MYO18A: variants seen among roughly 807,000 people sequenced by gnomAD.
MYO18A encodes myosin XVIIIA, also known as unconventional myosin-XVIIIa.
A neutral mutation model predicts 235.8 loss-of-function variants in MYO18A; 78 were observed. That is an observed-to-expected ratio of 0.33 (90% CI 0.28 to 0.40). The LOEUF (loss-of-function observed/expected upper bound fraction) is 0.40. Ranked by LOEUF, MYO18A falls within the 10% of genes least tolerant of loss-of-function variation. MYO18A has a pLI of 1.00. For synonymous variants in MYO18A, 977 were observed against 1,077.8 expected (o/e 0.91, Z 1.83); for missense variants, 2,215 against 2,699.3 (o/e 0.82, Z 3.98).
chr17:29,172,477 T>A lies in MYO18A; in HGVS notation c.-81-5456A>T, dbSNP rs528460293. On this transcript the variant is annotated intron_variant, in intron 1 of 41. Transcript: ENST00000527372. ...AAGACTCTGTCTAAAAAAAAAAAAATTAAATAAAAATGAAAAAAAATATGA... is the reference window on the plus strand; with the variant it reads ...AAGACTCTGTCTAAAAAAAAAAAAAATAAATAAAAATGAAAAAAAATATGA... Among the ~76,000 whole-genome samples, 19 of 149,216 alleles carry A rather than the reference T, an allele frequency of 1.3e-4. No individual in the cohort carries two copies. In the East Asian group the frequency reaches 3.3e-3, roughly 26 times the overall value.
Position 29,082,388 on chromosome 17 carries a change from AC to A in MYO18A, c.5947del (p.Val1983SerfsTer21). Reference protein sequence around the residue: ...DSELEDRVDGVKSWLSKNKGP... With the variant: ...DSELEDRVDGXKSWLSKNKGP... ...CTTGTTTTTTGACAACCAGGACTTG[AC>A]CCCGTCAACACGGTCCTCCAGCTCC... On this transcript the variant is annotated frameshift_variant, in exon 41 of 42. Transcript: ENST00000527372. LOFTEE classifies it high-confidence loss of function. The A allele has an allele frequency of 6.2e-7, 1 of 1,613,762 alleles. No homozygotes were observed. The highest frequency in any genetic ancestry group is 8.5e-7 in the Non-Finnish European group (1 of 1,179,844).
intron 41 of MYO18A, chr17:29,079,995 CTT>C: frequency 1.0e-6 from 1 of 986,112 alleles, no homozygotes; most frequent in Non-Finnish European, 1.2e-6. Flanking sequence ...TCTTCCGCCT[CTT>C]GTGCTCTGAG....
intron 30 of MYO18A, 28 bp downstream of exon 30, chr17:29,094,622 C>T: frequency 6.2e-7 from 1 of 1,612,950 alleles, no homozygotes; most frequent in South Asian, 1.1e-5. Flanking sequence ...CTGCACCTCA[C>T]CTCTCCCTTG....
At chr17:29,129,149 C>A (rs2067399361) in intron 2 of MYO18A, 2 of 1,285,316 alleles carry the variant, frequency 1.6e-6, no homozygotes, top group South Asian at 2.5e-5. Context: ...GGAGCTCTTC[C>A]TGGCCCCAAG....
chr17:29,097,227 C>A lies in MYO18A; in HGVS notation c.4226G>T (p.Arg1409Leu). The A allele has an allele frequency of 1.2e-6, 2 of 1,609,270 alleles. No homozygotes were observed. The highest frequency in any genetic ancestry group is 1.7e-6 in the Non-Finnish European group (2 of 1,179,810). ...TCAGCTCCTCCCCAGCCTCACCCGC[C>A]GTTCCAGCTGCCTCTTGTTCTGCTG... Reference protein sequence around the residue: ...VEQQNKRQLERRLGDLQADSE... With the variant: ...VEQQNKRQLELRLGDLQADSE... Residue 1409 changes from arginine to leucine, a missense_variant, in exon 27 of 42, where the codon CGG becomes CTG. Transcript: ENST00000527372.
chr17:29,084,060 G>A (rs1269030442), intron 40 of MYO18A, among the ~76,000 whole-genome samples: 1 of 152,148 alleles, frequency 6.6e-6, no homozygotes, highest in Non-Finnish European at 1.5e-5. Context: ...ACTGCGCTGG[G>A]CTCAATAACT....
rs1393752057 is a variant in MYO18A, at chr17:29,158,408, C to T, written c.999+7534G>A. ...TGCTAACACTGTCCCCTGTATTTAA[C>T]AGAACAGAAGCTGCTGCCAAACACC... On this transcript the variant is annotated intron_variant, in intron 2 of 41. Transcript: ENST00000527372. The surrounding 1 kb of genome is among the most constrained non-coding windows in gnomAD (Gnocchi z 4.3). 2.6e-5 allele frequency among the ~76,000 whole-genome samples: 4 copies of T among 152,222 alleles called. No homozygotes were observed. The highest frequency in any genetic ancestry group is 9.6e-5 in the African/African-American group (4 of 41,454).
Position 29,111,592 on chromosome 17 carries a change from G to A in MYO18A, c.2741-9C>T. The A allele has an allele frequency of 6.2e-7, 1 of 1,613,810 alleles. No homozygotes were observed. Among genetic ancestry groups the A allele is most frequent in the African/African-American group, 1.3e-5 (1 of 75,012 alleles). The stretch of plus-strand genomic sequence containing the variant: ...CAGAAGGGGGCTTTGGCCTGATGGT[G>A]GGAGAAGCAAGATTTAGGTCGTCAG... On this transcript the variant is annotated splice_polypyrimidine_tract_variant and intron_variant, in intron 16 of 41. Coordinates refer to ENST00000527372, the MANE Select transcript of MYO18A (RefSeq NM_078471.4). The surrounding 1 kb of genome is among the most constrained non-coding windows in gnomAD (Gnocchi z 5.1).
At chr17:29,077,913 C>T (rs918166101) in intron 41 of MYO18A, 3 of 152,254 alleles carry the variant, frequency 2.0e-5, no homozygotes, top group Non-Finnish European at 1.5e-5. Flanking sequence ...CTTTCCAAAC[C>T]CCTCTCCCAG....
At chr17:29,169,563 C>G (rs1321019924) in intron 1 of MYO18A, among the ~76,000 whole-genome samples, 1 of 152,120 alleles carries the variant, frequency 6.6e-6, no homozygotes, top group Non-Finnish European at 1.5e-5. Context: ...GGGTGTGGCA[C>G]AGACCTACCA....
intron 1 of MYO18A, among the ~76,000 whole-genome samples, chr17:29,179,809 G>C (rs957110712): frequency 6.6e-6 from 1 of 152,154 alleles, no homozygotes; most frequent in Non-Finnish European, 1.5e-5. Flanking sequence ...CAGTCTGCCC[G>C]GCAGTGAAAG....
In MYO18A at chr17:29,098,976, G is replaced by A. The variant is rs765859265; in HGVS notation, c.3637-7C>T. On this transcript the variant is annotated splice_polypyrimidine_tract_variant and splice_region_variant and intron_variant, in intron 22 of 41. Transcript: ENST00000527372. ...GAATGGCCAGGTCCTGGATCTGCAG[G>A]TGGGGTGGGGGTGGTGCACAGCGGG... 3 of 1,612,770 alleles carry A rather than the reference G, an allele frequency of 1.9e-6. No homozygotes were observed. Among genetic ancestry groups the A allele is most frequent in the Non-Finnish European group, 2.5e-6 (3 of 1,179,748 alleles).
chr17:29,124,275 T>C (rs1481006089), intron 2 of MYO18A, among the ~76,000 whole-genome samples: 2 of 152,220 alleles, frequency 1.3e-5, no homozygotes, highest in African/African-American at 2.4e-5. Context: ...CGTTCAGGCA[T>C]GGGCTGGGAA....
At chr17:29,104,755 A>T (rs769335956) in intron 20 of MYO18A, among the ~76,000 whole-genome samples, 15 of 152,116 alleles carry the variant, frequency 9.9e-5, no homozygotes, top group Non-Finnish European at 1.8e-4. Flanking sequence ...CAAGTGGAAA[A>T]GAGGACCTCA....
intron 2 of MYO18A, chr17:29,133,858 C>G (rs1355948482): frequency 7.8e-7 from 1 of 1,289,150 alleles, no homozygotes; most frequent in African/African-American, 1.5e-5. Context: ...TAACCTGTGC[C>G]CTGGGTCAGA....
At position 29,111,898 on chromosome 17, in the gene MYO18A, T is replaced by C. The variant is rs1202553922; in HGVS notation, c.2599-35A>G. ...AGGAAGGAAATCCCTCCTTGTCATA[T>C]GGAGCTGTGGGAAAGGGGCCAGGGT... On this transcript the variant is annotated intron_variant, in intron 15 of 41. Coordinates refer to ENST00000527372, the MANE Select transcript of MYO18A (RefSeq NM_078471.4). The surrounding 1 kb of genome is among the most constrained non-coding windows in gnomAD (Gnocchi z 5.1). The C allele has an allele frequency of 2.3e-5, 37 of 1,591,568 alleles. No homozygotes were observed. In the East Asian group the frequency reaches 8.3e-4, roughly 36 times the overall value.
chr17:29,092,532 G>C (rs1167878772), intron 33 of MYO18A, 76 bp from the exon 34 acceptor site: 16 of 1,243,480 alleles, frequency 1.3e-5, no homozygotes, highest in Non-Finnish European at 1.7e-5. Context: ...ACAGGAAAGA[G>C]GGAGCTCGGA....
intron 2 of MYO18A, among the ~76,000 whole-genome samples, chr17:29,129,494 C>T (rs2067408832): frequency 6.6e-6 from 1 of 152,210 alleles, no homozygotes; most frequent in South Asian, 2.1e-4. Flanking sequence ...GGCTGGCTAA[C>T]GGCAGGATAG....
At chr17:29,161,228 A>G (rs2068165292) in intron 2 of MYO18A, among the ~76,000 whole-genome samples, 1 of 151,904 alleles carries the variant, frequency 6.6e-6, no homozygotes, top group Admixed American at 6.6e-5. Flanking sequence ...GGTGGCAGGC[A>G]CCTGTAATCC....
Sources: gnomAD v4.1 joint callset for allele counts (sites outside exome capture counted in the v4.1 genomes callset) on GRCh38, gnomAD v4.1.1 for gene constraint, Gnocchi (gnomAD v3.1) non-coding constraint, MANE v1.5 for transcripts, NCBI Gene and HGNC (gene_info 2026-07-23, HGNC 2026-07-21) for gene names.